CST5: variants seen among roughly 807,000 people sequenced by gnomAD.
CST5 encodes cystatin-D.
A neutral mutation model predicts 11.5 loss-of-function variants in CST5; 13 were observed. The ratio of observed to expected loss-of-function variants is 1.13; its 90% CI spans 0.73 to 1.79. The LOEUF is 1.79. CST5 is among the 40% of genes most tolerant of loss of function. The pLI, the probability that CST5 is intolerant of heterozygous loss-of-function variation, is 0.00. For synonymous variants in CST5, 81 were observed against 67.6 expected, an observed-to-expected ratio of 1.20 and a Z score of -0.97; for missense variants, 219 against 174.5, an observed-to-expected ratio of 1.25 and a Z score of -1.44.
In CST5 at chr20:23,876,193, C is replaced by G; in HGVS notation, c.424G>C (p.Val142Leu). Residue 142 changes from valine (V) to leucine (L), a missense_variant, in exon 3 of 3, where the codon GTC becomes CTC. Val to Leu is a conservative substitution (Grantham distance 32). Transcript: ENST00000304710. ...ISILNYKCRK[V>L] ...GACAGGCCTTGCACAGACCCCTAGA[C>G]TTTCCGGCACTTGTAGTTCAGAATG... 2.5e-6 allele frequency: 4 copies of G among 1,613,420 alleles called. No individual in the cohort carries two copies. Among genetic ancestry groups the G allele is most frequent in the Non-Finnish European group, 3.4e-6 (4 of 1,179,366 alleles).
At chr20:23,876,523 C>A (rs757920164) in intron 2 of CST5, among the ~76,000 whole-genome samples, 1 of 152,302 alleles carries the variant, frequency 6.6e-6, no homozygotes, top group Middle Eastern at 3.4e-3. Context: ...CCTGTCCCAG[C>A]GCAGCCCTAT....
chr20:23,877,051 GCACA>G (rs1237650269), intron 2 of CST5, among the ~76,000 whole-genome samples: 1 of 152,032 alleles, frequency 6.6e-6, no homozygotes, highest in East Asian at 1.9e-4. Context: ...CACTCCATCT[GCACA>G]CACATAGGCA....
At position 23,879,490 on chromosome 20, in the gene CST5, C is replaced by T. The variant is rs1380899718; in HGVS notation, c.187G>A (p.Glu63Lys). Residue 63 changes from glutamate to lysine, a missense_variant, in exon 1 of 3, where the codon GAG (glutamate) becomes AAG (lysine). Glu to Lys is a moderately conservative substitution (Grantham distance 56, BLOSUM62 1). Coordinates refer to ENST00000304710, the MANE Select transcript of CST5 (RefSeq NM_001900.5). ...SEYNKVINKD[E>K]YYSRPLQVMA... The stretch of plus-strand genomic sequence containing the variant: ...ACCTGCAGAGGGCGGCTGTAGTACT[C>T]ATCCTTATTAATGACCTTGTTGTAC... 4 of 1,614,044 alleles carry T rather than the reference C, an allele frequency of 2.5e-6. No homozygotes were observed. Among genetic ancestry groups the T allele is most frequent in the South Asian group, 1.1e-5 (1 of 91,068 alleles).
intron 2 of CST5, among the ~76,000 whole-genome samples, chr20:23,876,836 A>C (rs1985972338): frequency 6.6e-6 from 1 of 152,070 alleles, no homozygotes; most frequent in South Asian, 2.1e-4. Flanking sequence ...AATTCCTTCT[A>C]ATGTGCTCAG....
chr20:23,877,104 T>G (rs8122263), intron 2 of CST5, among the ~76,000 whole-genome samples: 275 of 152,176 alleles, frequency 1.8e-3, no homozygotes, highest in African/African-American at 5.0e-3. Flanking sequence ...CAAACGAATA[T>G]ATGCATGAAC....
At chr20:23,876,706 A>T (rs1985969434) in intron 2 of CST5, among the ~76,000 whole-genome samples, 1 of 152,202 alleles carries the variant, frequency 6.6e-6, no homozygotes. Context: ...TGGTGAGGAG[A>T]TGACAAGGAG....
rs755351907 is a variant in CST5, at chr20:23,876,177, T to G, written c.*11A>C. On this transcript the variant is annotated 3_prime_UTR_variant, in exon 3 of 3. Coordinates refer to ENST00000304710, the MANE Select transcript of CST5 (RefSeq NM_001900.5). ...AGGAGGTGGTCAGTGTGACAGGCCT[T>G]GCACAGACCCCTAGACTTTCCGGCA... 1 of 1,608,520 alleles carries G rather than the reference T, an allele frequency of 6.2e-7. No individual in the cohort carries two copies. Among genetic ancestry groups the G allele is most frequent in the Admixed American group, 1.7e-5 (1 of 59,984 alleles).
intron 1 of CST5, among the ~76,000 whole-genome samples, chr20:23,878,540 AG>A: frequency 6.6e-6 from 1 of 152,116 alleles, no homozygotes; most frequent in African/African-American, 2.4e-5. Context: ...AATAGGCTCC[AG>A]GGCCCAACGA....
intron 2 of CST5, among the ~76,000 whole-genome samples, chr20:23,877,092 C>T (rs1985979198): frequency 1.3e-5 from 2 of 152,162 alleles, no homozygotes; most frequent in Non-Finnish European, 2.9e-5. Context: ...GCAACCCTCA[C>T]CCAAACGAAT....
At position 23,876,193 on chromosome 20, in the gene CST5, C is replaced by A; in HGVS notation, c.424G>T (p.Val142Phe). 6.2e-7 allele frequency: 1 copy of A among 1,613,420 alleles called. No homozygotes were observed. Among genetic ancestry groups the A allele is most frequent in the Non-Finnish European group, 8.5e-7 (1 of 1,179,366 alleles). The stretch of plus-strand genomic sequence containing the variant: ...GACAGGCCTTGCACAGACCCCTAGA[C>A]TTTCCGGCACTTGTAGTTCAGAATG... ...ISILNYKCRK[V>F] The change falls in exon 3 of 3, where the codon GTC becomes TTC. Residue 142 changes from valine (V) to phenylalanine (F), a missense_variant. Coordinates refer to ENST00000304710, the MANE Select transcript of CST5 (RefSeq NM_001900.5).
In CST5 at chr20:23,877,627, G is replaced by A. The variant is rs375302164; in HGVS notation, c.232-9C>T. On this transcript the variant is annotated splice_polypyrimidine_tract_variant and intron_variant, in intron 1 of 2. Transcript: ENST00000304710. Reference sequence around the variant, plus strand: ...TTCACCCCACCCACGATCTACACGCGTGGAAGAGCAGGAAGCAGGGGCAGC... The same window carrying A: ...TTCACCCCACCCACGATCTACACGCATGGAAGAGCAGGAAGCAGGGGCAGC... The A allele has an allele frequency of 1.9e-4, 304 of 1,607,048 alleles. No individual in the cohort carries two copies. Among genetic ancestry groups the A allele is most frequent in the African/African-American group, 5.1e-4 (38 of 74,950 alleles).
chr20:23,879,727 G>A lies in CST5; in HGVS notation c.-51C>T, dbSNP rs1247377099. 1.3e-6 allele frequency: 2 copies of A among 1,563,830 alleles called. No individual in the cohort carries two copies. Among genetic ancestry groups the A allele is most frequent in the South Asian group, 2.3e-5 (2 of 86,712 alleles). On this transcript the variant is annotated 5_prime_UTR_variant, in exon 1 of 3. Coordinates refer to ENST00000304710, the MANE Select transcript of CST5 (RefSeq NM_001900.5). Reference sequence around the variant, plus strand: ...GCTGGATCTCCCAGAGAGCAAAGCAGCAGAAGGCTGAGGCAGGAAGCCCAG... The same window carrying A: ...GCTGGATCTCCCAGAGAGCAAAGCAACAGAAGGCTGAGGCAGGAAGCCCAG...
Position 23,876,061 on chromosome 20 carries a change from G to C in CST5, c.*127C>G, listed in dbSNP as rs2122207832. 1 of 673,354 alleles carries C rather than the reference G, an allele frequency of 1.5e-6. No individual in the cohort carries two copies. Among genetic ancestry groups the C allele is most frequent in the Non-Finnish European group, 2.6e-6 (1 of 386,024 alleles). The allele number at this position is 673,354 out of a possible 1,614,324, so 41.7% of individuals were successfully genotyped here. On this transcript the variant is annotated 3_prime_UTR_variant, in exon 3 of 3. Transcript: ENST00000304710. ...CAACAAAGGCCTCCTGCCACCTTCT[G>C]TGTCTGTCTCCTGGTGCAGGCGCAT...
chr20:23,877,783 T>A (rs2122211280), intron 1 of CST5, among the ~76,000 whole-genome samples, 165 bp from the exon 2 acceptor site: 1 of 152,314 alleles, frequency 6.6e-6, no homozygotes, highest in African/African-American at 2.4e-5. Context: ...GCAGTGGTAG[T>A]GTGTCCCAGT....
intron 1 of CST5, among the ~76,000 whole-genome samples, chr20:23,878,212 G>C (rs1054579943): frequency 6.6e-6 from 1 of 152,178 alleles, no homozygotes; most frequent in Non-Finnish European, 1.5e-5. Flanking sequence ...TAGGAGATGA[G>C]ATGCTCACAT....
chr20:23,878,316 C>T (rs1421569097), intron 1 of CST5, among the ~76,000 whole-genome samples: 1 of 152,200 alleles, frequency 6.6e-6, no homozygotes, highest in Non-Finnish European at 1.5e-5. Flanking sequence ...AGTCACACAC[C>T]TGCATGTCTT....
At chr20:23,878,897 C>A (rs560151157) in intron 1 of CST5, among the ~76,000 whole-genome samples, 1 of 152,220 alleles carries the variant, frequency 6.6e-6, no homozygotes, top group African/African-American at 2.4e-5. Context: ...TCTAACTCTG[C>A]GTTAGCTGGC....
rs765455393 is a variant in CST5 at position 23,879,438 on chromosome 20, G to A, written c.231+8C>T. On this transcript the variant is annotated splice_region_variant and intron_variant, in intron 1 of 2. Transcript: ENST00000304710. ...ACTCAGGACCCCCAGGGTGGTGGTA[G>A]CACGCACCTGCTGGTAGGCAGCCAT... 8.2e-5 allele frequency: 132 copies of A among 1,610,942 alleles called. 1 individual carries two copies. The East Asian group carries it at 2.8e-3, about 34-fold the overall frequency.
At position 23,878,968 on chromosome 20, in the gene CST5, G is replaced by T. The variant is rs531425015; in HGVS notation, c.231+478C>A. On this transcript the variant is annotated intron_variant, in intron 1 of 2. Coordinates refer to ENST00000304710, the MANE Select transcript of CST5 (RefSeq NM_001900.5). ...ACTCAGCTGTCCTGGGCTGTAGGGG[G>T]TGGTCAGCCAGCCTGAGAGTGAAGG... 1.1e-4 allele frequency among the ~76,000 whole-genome samples: 16 copies of T among 152,340 alleles called. No individual in the cohort carries two copies. The East Asian group carries it at 2.9e-3, about 28-fold the overall frequency.
Sources: gnomAD v4.1 joint callset for allele counts (sites outside exome capture counted in the v4.1 genomes callset) on GRCh38, gnomAD v4.1.1 for gene constraint, MANE v1.5 for transcripts, NCBI Gene and HGNC (gene_info 2026-07-23, HGNC 2026-07-21) for gene names.